Variants in SHANK2 observed in about 807,000 individuals in gnomAD.
SHANK2 encodes the protein SH3 and multiple ankyrin repeat domains protein 2.
A neutral mutation model predicts 133.7 loss-of-function variants in SHANK2; 43 were observed. That is an observed-to-expected ratio of 0.32 (90% CI 0.25 to 0.41). The LOEUF is 0.41. Ranked by LOEUF, SHANK2 falls within the 10% of genes least tolerant of loss-of-function variation. The pLI, the probability that SHANK2 is intolerant of heterozygous loss-of-function variation, is 1.00. For missense variants in SHANK2, 1,994 were observed against 2,235.8 expected (o/e 0.89, Z 2.18); for synonymous variants, 1,017 against 952.8 (o/e 1.07, Z -1.24).
Position 70,473,364 on chromosome 11 carries a change from G to A in SHANK2, c.5055C>T (p.Ser1685=), listed in dbSNP as rs202159481. ...GCCGGCTCTGCAGGGTGATGGGCTG[G>A]GAGGTGCCGGGGCGAACAGTGAAGG... ...TVTFTVRPGT[S]QPITLQSRPP... The change falls in exon 26 of 26, where the codon TCC becomes TCT. Residue 1685 remains serine, a synonymous_variant. Transcript: ENST00000601538. This position sits in a 1 kb window ranked among gnomAD's most constrained non-coding sequence, Gnocchi z 5.9. 1.7e-5 allele frequency: 27 copies of A among 1,612,514 alleles called. No individual in the cohort carries two copies. Among genetic ancestry groups the A allele is most frequent in the Non-Finnish European group, 2.3e-5 (27 of 1,180,040 alleles).
chr11:71,079,108 C>T (rs1951258038), intron 8 of SHANK2, among the ~76,000 whole-genome samples: 1 of 152,232 alleles, frequency 6.6e-6, no homozygotes, highest in South Asian at 2.1e-4. Flanking sequence ...GCGAATGGTC[C>T]CCATGTATCC....
intron 17 of SHANK2, among the ~76,000 whole-genome samples, chr11:70,551,645 A>C (rs1426134564): frequency 6.6e-6 from 1 of 152,194 alleles, no homozygotes; most frequent in East Asian, 1.9e-4. Flanking sequence ...ATAGAGCTTT[A>C]ATTCTACAAC....
intron 2 of SHANK2, among the ~76,000 whole-genome samples, chr11:71,201,563 A>G (rs1467129740): frequency 2.0e-5 from 3 of 152,212 alleles, no homozygotes; most frequent in African/African-American, 7.2e-5. Flanking sequence ...GAGGGTCCCT[A>G]TGAGCCGGTT....
intron 17 of SHANK2, among the ~76,000 whole-genome samples, chr11:70,543,223 T>C (rs2059645409): frequency 6.6e-6 from 1 of 152,188 alleles, no homozygotes; most frequent in East Asian, 1.9e-4. Context: ...TATTTGGTTT[T>C]CCTCTCCTCT....
intron 14 of SHANK2, among the ~76,000 whole-genome samples, chr11:70,782,437 C>T (rs1947520763): frequency 6.6e-6 from 1 of 152,218 alleles, no homozygotes; most frequent in Non-Finnish European, 1.5e-5. Context: ...TCACATCCAA[C>T]AAGGGGGAAA....
intron 17 of SHANK2, among the ~76,000 whole-genome samples, chr11:70,543,977 C>T (rs529612981): frequency 3.3e-5 from 5 of 152,326 alleles, no homozygotes; most frequent in East Asian, 1.9e-4. Flanking sequence ...GTGTGGATTG[C>T]GTTGAGAGAG....
At chr11:71,137,993 C>T (rs1952479804) in intron 3 of SHANK2, among the ~76,000 whole-genome samples, 1 of 151,190 alleles carries the variant, frequency 6.6e-6, no homozygotes, top group Non-Finnish European at 1.5e-5. Flanking sequence ...CACAGCAAAG[C>T]ACCCGAATGC....
intron 2 of SHANK2, among the ~76,000 whole-genome samples, chr11:71,168,469 C>A (rs1293085016): frequency 6.6e-6 from 1 of 151,996 alleles, no homozygotes; most frequent in African/African-American, 2.4e-5. Flanking sequence ...GAGGCCAAGG[C>A]AGGCTGCTGG....
chr11:70,616,684 G>T (rs115928874), intron 17 of SHANK2, among the ~76,000 whole-genome samples: 1,887 of 152,248 alleles, frequency 0.012, 37 homozygotes, highest in African/African-American at 0.044. Context: ...GGTGTGGGGG[G>T]ATCTGAGGCC....
intron 17 of SHANK2, among the ~76,000 whole-genome samples, chr11:70,531,292 A>G (rs1554973162): frequency 6.6e-6 from 1 of 152,098 alleles, no homozygotes; most frequent in East Asian, 1.9e-4. Flanking sequence ...TGCCAGCCCC[A>G]TGAGTGCCTC....
chr11:70,936,926 A>G (rs532926917), intron 10 of SHANK2, among the ~76,000 whole-genome samples: 15 of 152,254 alleles, frequency 9.9e-5, no homozygotes, highest in African/African-American at 3.1e-4. Flanking sequence ...AGTAACCTTC[A>G]TTTCTCCTTG....
intron 2 of SHANK2, among the ~76,000 whole-genome samples, chr11:71,178,020 A>G (rs1322292541): frequency 6.6e-6 from 1 of 152,226 alleles, no homozygotes; most frequent in African/African-American, 2.4e-5. Context: ...ATAGGATAGC[A>G]CTTTTCCAGA....
At chr11:70,588,880 C>T (rs1287010947) in intron 17 of SHANK2, among the ~76,000 whole-genome samples, 5 of 152,146 alleles carry the variant, frequency 3.3e-5, no homozygotes, top group Non-Finnish European at 7.4e-5. Flanking sequence ...TGCAGTGGTG[C>T]GGTCTCAGCT....
At position 70,500,898 on chromosome 11, in the gene SHANK2, G is replaced by C; in HGVS notation, c.2288-308C>G. 3.2e-6 allele frequency: 2 copies of C among 633,598 alleles called. No individual in the cohort carries two copies. Among genetic ancestry groups the C allele is most frequent in the Admixed American group, 4.6e-5 (2 of 43,640 alleles). 39.2% of individuals were successfully genotyped at this position (633,598 alleles called of 1,614,324 possible). A position where few individuals can be genotyped will look rare whatever the true frequency, so the allele number is the denominator to read the frequency against. On this transcript the variant is annotated intron_variant, in intron 20 of 25. Coordinates refer to ENST00000601538, the MANE Select transcript of SHANK2 (RefSeq NM_012309.5). The surrounding 1 kb of genome is among the most constrained non-coding windows in gnomAD (Gnocchi z 4.5). ...CCCACCAGCACCCTGCCAAAGTAGG[G>C]AGGAGTTCTCAGAGCAGACATGAGC...
At chr11:70,844,651 A>G (rs1555062682) in intron 11 of SHANK2, among the ~76,000 whole-genome samples, 2 of 152,176 alleles carry the variant, frequency 1.3e-5, no homozygotes, top group African/African-American at 4.8e-5. Context: ...TTACATGACA[A>G]ATTCCTCAGA....
At position 70,515,818 on chromosome 11, in the gene SHANK2, T is replaced by A. The variant is rs186545606; in HGVS notation, c.2062-12887A>T. Among the ~76,000 whole-genome samples, 283 of 151,674 alleles carry A rather than the reference T, an allele frequency of 1.9e-3. 4 individuals carry two copies. The East Asian group carries it at 0.044, about 24-fold the overall frequency. On this transcript the variant is annotated intron_variant, in intron 17 of 25. Transcript: ENST00000601538. ...CAGAGCGAGACCTGTCTCAAAAAAA[T>A]TTTTTTTATACCTGCTATATAATAT... is the stretch of plus-strand genomic sequence containing the variant.
At chr11:70,538,946 T>C (rs1013808790) in intron 17 of SHANK2, among the ~76,000 whole-genome samples, 4 of 152,174 alleles carry the variant, frequency 2.6e-5, no homozygotes, top group Non-Finnish European at 4.4e-5. Flanking sequence ...GGACGTGGGC[T>C]AGGAAGCCTC....
intron 1 of SHANK2, among the ~76,000 whole-genome samples, chr11:71,239,854 G>A (rs1371067122): frequency 1.3e-5 from 2 of 151,974 alleles, no homozygotes; most frequent in East Asian, 1.9e-4. Flanking sequence ...ATTTCCTTTC[G>A]TTCAGAAAAT....
intron 17 of SHANK2, among the ~76,000 whole-genome samples, chr11:70,636,125 G>A (rs1023642953): frequency 1.3e-5 from 2 of 152,282 alleles, no homozygotes; most frequent in Non-Finnish European, 2.9e-5. Flanking sequence ...CCACTCTGTC[G>A]ACAAAGGCGT....
Sources: gnomAD v4.1 joint callset for allele counts (sites outside exome capture counted in the v4.1 genomes callset) on GRCh38, gnomAD v4.1.1 for gene constraint, Gnocchi (gnomAD v3.1) non-coding constraint, MANE v1.5 for transcripts, NCBI Gene and HGNC (gene_info 2026-07-23, HGNC 2026-07-21) for gene names.